Variants in PTPRN2 observed in about 807,000 individuals in gnomAD.
The protein encoded by PTPRN2 is protein tyrosine phosphatase receptor type N2, also known as receptor-type tyrosine-protein phosphatase N2.
In PTPRN2, 74 loss-of-function variants were observed where a neutral mutation model predicts 118.8. The observed-to-expected ratio is 0.62, with a 90% CI of 0.52 to 0.76. The LOEUF (loss-of-function observed/expected upper bound fraction) is 0.76. PTPRN2 is among the 30% of genes least tolerant of loss of function. The pLI is 0.00. For missense variants in PTPRN2, 1,481 were observed against 1,394.4 expected (o/e 1.06, Z -0.99); for synonymous variants, 641 against 608.0 (o/e 1.05, Z -0.80).
intron 11 of PTPRN2, among the ~76,000 whole-genome samples, chr7:158,058,393 C>T (rs1353141308): frequency 7.7e-6 from 1 of 129,752 alleles, no homozygotes; most frequent in Admixed American, 7.6e-5. Context: ...CTCCATCTGC[C>T]CACGGTGAGA....
chr7:157,813,079 G>A lies in PTPRN2; in HGVS notation c.1788+85594C>T, dbSNP rs1283244295. Among the ~76,000 whole-genome samples, 2 of 152,170 alleles carry A rather than the reference G, an allele frequency of 1.3e-5. No individual in the cohort carries two copies. The highest frequency in any genetic ancestry group is 2.9e-5 in the Non-Finnish European group (2 of 68,040). The stretch of plus-strand genomic sequence containing the variant: ...CGGTGCTCAAATGACTGTGACACGT[G>A]CCGTGTATCTGCAAAGACCTGTGCC... On this transcript the variant is annotated intron_variant, in intron 12 of 22. Coordinates refer to ENST00000389418, the MANE Select transcript of PTPRN2 (RefSeq NM_002847.5). This position sits in a 1 kb window ranked among gnomAD's most constrained non-coding sequence, Gnocchi z 4.7.
chr7:157,964,505 T>C lies in PTPRN2; in HGVS notation c.1724-65768A>G, dbSNP rs1009363969. On this transcript the variant is annotated intron_variant, in intron 11 of 22. Coordinates refer to ENST00000389418, the MANE Select transcript of PTPRN2 (RefSeq NM_002847.5). This position sits in a 1 kb window ranked among gnomAD's most constrained non-coding sequence, Gnocchi z 9.0. ...GAGGGTGATTTGGGAATGAGGGGAA[T>C]TCATCCATTTGAGGTTAAATGTTTG... is the stretch of plus-strand genomic sequence containing the variant. Among the ~76,000 whole-genome samples, 6 of 151,860 alleles carry C rather than the reference T, an allele frequency of 4.0e-5. No homozygotes were observed. Among genetic ancestry groups the C allele is most frequent in the African/African-American group, 1.4e-4 (6 of 41,386 alleles).
chr7:158,541,720 T>G, intron 1 of PTPRN2: 1 of 1,228,356 alleles, frequency 8.1e-7, no homozygotes, highest in Non-Finnish European at 1.0e-6. Context: ...ATTAAAACAC[T>G]TGCTTAAAGC....
At chr7:157,657,980 A>C (rs925694432) in intron 13 of PTPRN2, among the ~76,000 whole-genome samples, 6 of 150,792 alleles carry the variant, frequency 4.0e-5, no homozygotes, top group Admixed American at 1.3e-4. Flanking sequence ...CACACACCAC[A>C]CACACGTCAC....
intron 2 of PTPRN2, among the ~76,000 whole-genome samples, chr7:158,326,262 C>A (rs1308299159): frequency 6.6e-6 from 1 of 152,234 alleles, no homozygotes; most frequent in African/African-American, 2.4e-5. Flanking sequence ...GGCCAGTGAG[C>A]ACCAAGCAGC....
chr7:157,776,248 T>TCCCTCTCCTCCTCC (rs1803225411), intron 12 of PTPRN2, among the ~76,000 whole-genome samples: 1 of 71,676 alleles, frequency 1.4e-5, no homozygotes, highest in Non-Finnish European at 2.9e-5. Context: ...CTCCCTCCTC[T>TCCCTCTCCTCCTCC]CCCTCTCCTC....
Position 158,573,567 on chromosome 7 carries a change from G to A in PTPRN2, c.112+13991C>T, listed in dbSNP as rs115229639. Among the ~76,000 whole-genome samples, 434 of 152,082 alleles carry A rather than the reference G, an allele frequency of 2.9e-3. 3 individuals carry two copies. Among genetic ancestry groups the A allele is most frequent in the African/African-American group, 9.7e-3 (402 of 41,488 alleles). The stretch of plus-strand genomic sequence containing the variant: ...TTGAAAATCAACCAACCAAGAGCTC[G>A]GGTCTCTGTCCAGGAAGGTCAACAG... On this transcript the variant is annotated intron_variant, in intron 1 of 22. Coordinates refer to ENST00000389418, the MANE Select transcript of PTPRN2 (RefSeq NM_002847.5).
At chr7:158,058,030 A>C (rs575307777) in intron 11 of PTPRN2, among the ~76,000 whole-genome samples, 76 of 152,378 alleles carry the variant, frequency 5.0e-4, no homozygotes, top group African/African-American at 1.8e-3. Flanking sequence ...AGAAATAAAT[A>C]AGTACAATGA....
intron 3 of PTPRN2, among the ~76,000 whole-genome samples, chr7:158,283,107 G>A (rs1207444394): frequency 6.6e-6 from 1 of 152,260 alleles, no homozygotes; most frequent in Non-Finnish European, 1.5e-5. Context: ...ACTGAGGAAA[G>A]GTAGCGCTGA....
chr7:158,502,085 C>T (rs1382191474), intron 1 of PTPRN2, among the ~76,000 whole-genome samples: 1 of 152,206 alleles, frequency 6.6e-6, no homozygotes, highest in African/African-American at 2.4e-5. Flanking sequence ...AGCTTGATTC[C>T]ATCCCAGGGC....
chr7:158,506,612 AT>A (rs1423208908), intron 1 of PTPRN2, among the ~76,000 whole-genome samples: 1 of 151,840 alleles, frequency 6.6e-6, no homozygotes, highest in Non-Finnish European at 1.5e-5. Context: ...CAGGAGCCCC[AT>A]GAACAGTGGA....
chr7:157,570,639 C>A (rs986822402), intron 20 of PTPRN2, among the ~76,000 whole-genome samples: 1 of 152,156 alleles, frequency 6.6e-6, no homozygotes, highest in Non-Finnish European at 1.5e-5. Flanking sequence ...GTGGTTTTAA[C>A]GTACTTAGGG....
At chr7:158,143,590 G>T (rs545868183) in intron 6 of PTPRN2, among the ~76,000 whole-genome samples, 2 of 152,188 alleles carry the variant, frequency 1.3e-5, no homozygotes, top group Non-Finnish European at 2.9e-5. Flanking sequence ...GCTAAGGAAA[G>T]GTCCTTCCTG....
chr7:158,255,776 G>T (rs1004422575), intron 3 of PTPRN2, among the ~76,000 whole-genome samples: 5 of 123,506 alleles, frequency 4.0e-5, no homozygotes, highest in Non-Finnish European at 6.2e-5. Context: ...TTTTCTGGCT[G>T]CCCTGGGCTC....
intron 2 of PTPRN2, among the ~76,000 whole-genome samples, chr7:158,440,476 G>A (rs1310778535): frequency 7.2e-5 from 11 of 151,750 alleles, no homozygotes; most frequent in African/African-American, 2.2e-4. Flanking sequence ...TGGGTGTGGT[G>A]GTGATGATGG....
intron 11 of PTPRN2, among the ~76,000 whole-genome samples, chr7:157,908,917 T>C (rs1458799981): frequency 6.6e-6 from 1 of 152,212 alleles, no homozygotes; most frequent in Non-Finnish European, 1.5e-5. Context: ...ATGAAAATAC[T>C]TCTACATCTT....
At position 158,171,135 on chromosome 7, in the gene PTPRN2, TAC is replaced by T. The variant is rs1322379913; in HGVS notation, c.550-3846_550-3845del. Among the ~76,000 whole-genome samples the T allele has an allele frequency of 1.9e-4, 17 of 91,484 alleles. 1 individual carries two copies. Among genetic ancestry groups the T allele is most frequent in the Admixed American group, 1.6e-3 (11 of 7,050 alleles). 60.0% of individuals were successfully genotyped at this position (91,484 alleles called of 152,430 possible). ...ATATACACACATATATACACATATA[TAC>T]ACACATATATATACACATATATATA... On this transcript the variant is annotated intron_variant, in intron 5 of 22. Coordinates refer to ENST00000389418, the MANE Select transcript of PTPRN2 (RefSeq NM_002847.5).
intron 12 of PTPRN2, among the ~76,000 whole-genome samples, chr7:157,843,393 AG>A (rs1239712196): frequency 1.3e-5 from 2 of 152,122 alleles, no homozygotes; most frequent in Non-Finnish European, 1.5e-5. Context: ...TTGTGGTGGT[AG>A]GGGGGCCGGC....
At chr7:158,001,153 G>A (rs1293688750) in intron 11 of PTPRN2, among the ~76,000 whole-genome samples, 2 of 138,590 alleles carry the variant, frequency 1.4e-5, no homozygotes, top group Non-Finnish European at 3.1e-5. Context: ...GCAAGGTGGG[G>A]CTGGGGTTTG....
Sources: allele counts gnomAD v4.1 joint callset (sites outside exome capture counted in the v4.1 genomes callset), GRCh38; gene constraint gnomAD v4.1.1; non-coding constraint Gnocchi (gnomAD v3.1); transcripts MANE v1.5; gene names NCBI Gene and HGNC (gene_info 2026-07-23, HGNC 2026-07-21).